The following ANP32B variants were observed in gnomAD, a reference collection of about 807,000 sequenced individuals.
ANP32B encodes the protein acidic leucine-rich nuclear phosphoprotein 32 family member B.
A neutral mutation model predicts 32.2 loss-of-function variants in ANP32B; 6 were observed. That is an observed-to-expected ratio of 0.19 (90% CI 0.10 to 0.37). ANP32B has a LOEUF of 0.37. Ranked by LOEUF, ANP32B falls within the 10% of genes least tolerant of loss-of-function variation. ANP32B has a pLI of 1.00. For synonymous variants in ANP32B, 98 were observed against 105.8 expected, an observed-to-expected ratio of 0.93 and a Z score of 0.45; for missense variants, 204 against 289.2, an observed-to-expected ratio of 0.71 and a Z score of 2.14.
At chr9:98,010,723 C>G (rs769635810) in intron 4 of ANP32B, among the ~76,000 whole-genome samples, 1 of 152,102 alleles carries the variant, frequency 6.6e-6, no homozygotes, top group Non-Finnish European at 1.5e-5. Context: ...GCTAGAGATG[C>G]AGGTGCCTCT....
intron 1 of ANP32B, chr9:97,984,473 C>G (rs969853538): frequency 6.6e-6 from 1 of 151,450 alleles, no homozygotes; most frequent in East Asian, 2.0e-4. Flanking sequence ...TGTGCCGCGG[C>G]GGCGGCGCCC....
chr9:97,999,585 A>T (rs1313501858), intron 3 of ANP32B, among the ~76,000 whole-genome samples: 1 of 152,184 alleles, frequency 6.6e-6, no homozygotes, highest in Non-Finnish European at 1.5e-5. Context: ...TTGATGTGTG[A>T]CCTTGGGCAA....
At chr9:98,006,970 A>G (rs1473172543) in intron 4 of ANP32B, among the ~76,000 whole-genome samples, 2 of 152,090 alleles carry the variant, frequency 1.3e-5, no homozygotes, top group African/African-American at 4.8e-5. Context: ...CCTGGGCGAT[A>G]GAGCAAGACT....
At chr9:97,992,091 T>TTTTTTC (rs993760804) in intron 1 of ANP32B, among the ~76,000 whole-genome samples, 1 of 152,154 alleles carries the variant, frequency 6.6e-6, no homozygotes, top group Non-Finnish European at 1.5e-5. Context: ...CGGTGACTTT[T>TTTTTTC]TTTTTCTTTT....
In ANP32B at chr9:98,015,676, T is replaced by G; in HGVS notation, c.*245T>G. 3 of 1,182,506 alleles carry G rather than the reference T, an allele frequency of 2.5e-6. No homozygotes were observed. The highest frequency in any genetic ancestry group is 3.2e-6 in the Non-Finnish European group (3 of 948,288). The allele number at this position is 1,182,506 out of a possible 1,614,324, so 73.3% of individuals were successfully genotyped here. ...AATTGTAAGCGTTGTTAGGTTTTTGTGTAAGATTCTTGCTGTAGCGTGGAT... is the reference window on the plus strand; with the variant it reads ...AATTGTAAGCGTTGTTAGGTTTTTGGGTAAGATTCTTGCTGTAGCGTGGAT... On this transcript the variant is annotated 3_prime_UTR_variant, in exon 7 of 7. Transcript: ENST00000339399.
intron 5 of ANP32B, 88 bp downstream of exon 5, chr9:98,011,477 A>G (rs893402226): frequency 6.7e-7 from 1 of 1,502,250 alleles, no homozygotes. Context: ...AAAAGAAAAA[A>G]CACCTTTTGA....
At chr9:98,001,646 G>A (rs1009895418) in intron 3 of ANP32B, among the ~76,000 whole-genome samples, 16 of 152,172 alleles carry the variant, frequency 1.1e-4, no homozygotes, top group African/African-American at 3.6e-4. Flanking sequence ...TGGAGCAGAA[G>A]CAAATACTGT....
At chr9:98,005,661 G>A (rs1321660544) in intron 4 of ANP32B, among the ~76,000 whole-genome samples, 1 of 152,128 alleles carries the variant, frequency 6.6e-6, no homozygotes, top group Non-Finnish European at 1.5e-5. Flanking sequence ...GGCCTCAAGG[G>A]ATCCTCCCAC....
Position 98,011,260 on chromosome 9 carries a change from A to G in ANP32B, c.518-11A>G, listed in dbSNP as rs764892894. The G allele has an allele frequency of 5.8e-6, 9 of 1,551,088 alleles. No individual in the cohort carries two copies. Among genetic ancestry groups the G allele is most frequent in the Non-Finnish European group, 6.1e-6 (7 of 1,146,752 alleles). Reference sequence around the variant, plus strand: ...AGGATATTTAATGAATCCCTTTTGGACTATTTTTAGAAGGAGAAGATGAGG... The same window carrying G: ...AGGATATTTAATGAATCCCTTTTGGGCTATTTTTAGAAGGAGAAGATGAGG... On this transcript the variant is annotated splice_polypyrimidine_tract_variant and intron_variant, in intron 4 of 6. Coordinates refer to ENST00000339399, the MANE Select transcript of ANP32B (RefSeq NM_006401.3).
intron 4 of ANP32B, among the ~76,000 whole-genome samples, chr9:98,006,286 A>G (rs374184526): frequency 6.6e-6 from 1 of 152,190 alleles, no homozygotes; most frequent in East Asian, 1.9e-4. Context: ...TATAGTGGCA[A>G]GTGAGTTGGT....
At chr9:98,006,799 GC>G (rs1170835516) in intron 4 of ANP32B, among the ~76,000 whole-genome samples, 1 of 152,124 alleles carries the variant, frequency 6.6e-6, no homozygotes, top group African/African-American at 2.4e-5. Context: ...GACCAGCCTG[GC>G]CAACATGGGG....
In ANP32B at chr9:97,983,479, T is replaced by G. The variant is rs1235259619; in HGVS notation, c.-77T>G. ...AGCAAACCCTTCCGACGGCCCTCGC[T>G]GCGCAAGCCGGGACGCCTCTCCCCC... On this transcript the variant is annotated 5_prime_UTR_variant, in exon 1 of 7. Coordinates refer to ENST00000339399, the MANE Select transcript of ANP32B (RefSeq NM_006401.3). 199 of 1,359,736 alleles carry G rather than the reference T, an allele frequency of 1.5e-4. No individual in the cohort carries two copies. The highest frequency in any genetic ancestry group is 2.0e-4 in the Non-Finnish European group (197 of 986,876). 84.2% of individuals were successfully genotyped at this position (1,359,736 alleles called of 1,614,324 possible). A position where few individuals can be genotyped will look rare whatever the true frequency, so the allele number is the denominator to read the frequency against.
chr9:97,998,869 G>A (rs1827946895), intron 3 of ANP32B, among the ~76,000 whole-genome samples, 191 bp downstream of exon 3: 1 of 23,000 alleles, frequency 4.3e-5, no homozygotes, highest in Admixed American at 3.1e-4. Flanking sequence ...GTGCAGTGGC[G>A]GGATCTCGGC....
chr9:98,005,186 T>C lies in ANP32B; in HGVS notation c.517+33T>C, dbSNP rs1234569254. ...GGCTCAGCATCTGGTGAACCTGATG[T>C]CTGCCTTTCAAAGCCTCTGATAAAA... On this transcript the variant is annotated intron_variant, in intron 4 of 6. Transcript: ENST00000339399. 7 of 1,594,496 alleles carry C rather than the reference T, an allele frequency of 4.4e-6. No homozygotes were observed. In the African/African-American group the frequency reaches 5.4e-5, roughly 12 times the overall value.
At chr9:97,985,064 G>C (rs1827690672) in intron 1 of ANP32B, among the ~76,000 whole-genome samples, 1 of 147,984 alleles carries the variant, frequency 6.8e-6, no homozygotes, top group Non-Finnish European at 1.5e-5. Context: ...CCGCCGTCGC[G>C]AGCCCCCCCC....
At position 98,015,501 on chromosome 9, in the gene ANP32B, T is replaced by TAA; in HGVS notation, c.*70_*71insAA. 3 of 1,489,038 alleles carry TAA rather than the reference T, an allele frequency of 2.0e-6. No individual in the cohort carries two copies. Among genetic ancestry groups the TAA allele is most frequent in the East Asian group, 2.5e-5 (1 of 40,122 alleles). 92.2% of individuals were successfully genotyped at this position (1,489,038 alleles called of 1,614,324 possible). On this transcript the variant is annotated 3_prime_UTR_variant, in exon 7 of 7. Transcript: ENST00000339399. The stretch of plus-strand genomic sequence containing the variant: ...GACTGCTCATGGATTTTGTAGCTGT[T>TAA]TAAAAAAAAAAAAAAGGTAGCTGTG...
rs1285384150 is a variant in ANP32B, at chr9:98,015,441, TGACCTGCA to T, written c.*13_*20del. On this transcript the variant is annotated 3_prime_UTR_variant, in exon 7 of 7. Coordinates refer to ENST00000339399, the MANE Select transcript of ANP32B (RefSeq NM_006401.3). The stretch of plus-strand genomic sequence containing the variant: ...AGGAGAAGATGATTAAGACCCCAGA[TGACCTGCA>T]GAAACAGAACTGTTCAGTATTGGTT... 6.5e-7 allele frequency: 1 copy of T among 1,548,984 alleles called. No homozygotes were observed.
At chr9:97,999,235 T>C (rs1279165256) in intron 3 of ANP32B, among the ~76,000 whole-genome samples, 1 of 152,158 alleles carries the variant, frequency 6.6e-6, no homozygotes, top group African/African-American at 2.4e-5. Context: ...CAGAAGAGAA[T>C]TTTTGGGGGT....
intron 1 of ANP32B, among the ~76,000 whole-genome samples, chr9:97,989,789 G>C (rs757802205): frequency 6.6e-6 from 1 of 152,124 alleles, no homozygotes; most frequent in Non-Finnish European, 1.5e-5. Context: ...AAAGAGATGA[G>C]GCTTAGTTAC....
Sources: gnomAD v4.1 joint callset for allele counts (sites outside exome capture counted in the v4.1 genomes callset) on GRCh38, gnomAD v4.1.1 for gene constraint, MANE v1.5 for transcripts, NCBI Gene and HGNC (gene_info 2026-07-23, HGNC 2026-07-21) for gene names.